Variants in ITSN1 observed in about 807,000 individuals in gnomAD.
ITSN1 encodes the protein intersectin-1.
In ITSN1, 58 loss-of-function variants were observed where a neutral mutation model predicts 239.8. The ratio of observed to expected loss-of-function variants is 0.24; its 90% confidence interval spans 0.20 to 0.30. ITSN1 has a LOEUF of 0.30. Ranked by LOEUF, ITSN1 falls within the 10% of genes least tolerant of loss-of-function variation. The pLI is 1.00. For missense variants in ITSN1, 1,558 were observed against 2,103.3 expected, an observed-to-expected ratio of 0.74 and a Z score of 5.07; for synonymous variants, 780 against 770.8, an observed-to-expected ratio of 1.01 and a Z score of -0.20.
chr21:33,778,884 A>G (rs1020932726), intron 14 of ITSN1, among the ~76,000 whole-genome samples: 3 of 151,978 alleles, frequency 2.0e-5, no homozygotes, highest in African/African-American at 7.2e-5. Context: ...GGCCTATAAT[A>G]TTCTCTTATT....
intron 9 of ITSN1, among the ~76,000 whole-genome samples, chr21:33,764,520 G>T (rs1486014003): frequency 6.6e-6 from 1 of 152,144 alleles, no homozygotes; most frequent in African/African-American, 2.4e-5. Context: ...GCCAGGGGAT[G>T]GGGGCAAAGG....
intron 21 of ITSN1, among the ~76,000 whole-genome samples, chr21:33,813,096 C>G (rs1007007522): frequency 2.0e-5 from 3 of 152,166 alleles, no homozygotes; most frequent in South Asian, 4.1e-4. Context: ...TTCATGTACC[C>G]TCACAACTAA....
At chr21:33,753,734 C>T (rs1036737342) in intron 7 of ITSN1, among the ~76,000 whole-genome samples, 1 of 136,826 alleles carries the variant, frequency 7.3e-6, no homozygotes, top group African/African-American at 2.9e-5. Context: ...TGCATTCCAG[C>T]CTGGGTGACA....
chr21:33,760,713 T>C (rs1257085521), intron 8 of ITSN1, among the ~76,000 whole-genome samples: 1 of 152,192 alleles, frequency 6.6e-6, no homozygotes, highest in Admixed American at 6.5e-5. Flanking sequence ...ACATCCAGTT[T>C]TGTGGTTTTT....
intron 32 of ITSN1, among the ~76,000 whole-genome samples, chr21:33,866,779 G>A (rs370350405): frequency 8.5e-5 from 13 of 152,186 alleles, no homozygotes; most frequent in Non-Finnish European, 1.5e-4. Context: ...CCAGAGGCAC[G>A]TGCAGGCTCC....
intron 31 of ITSN1, among the ~76,000 whole-genome samples, chr21:33,864,310 T>C (rs149509266): frequency 6.6e-6 from 1 of 152,216 alleles, no homozygotes; most frequent in Non-Finnish European, 1.5e-5. Context: ...CATGGCTTCA[T>C]GTTGTGGTCC....
chr21:33,866,580 G>A (rs943423715), intron 32 of ITSN1, among the ~76,000 whole-genome samples: 4 of 152,022 alleles, frequency 2.6e-5, no homozygotes, highest in African/African-American at 4.8e-5. Context: ...GAATGATGGT[G>A]TCCACAGCTG....
At chr21:33,868,678 CG>C (rs1982168352) in intron 33 of ITSN1, among the ~76,000 whole-genome samples, 1 of 152,238 alleles carries the variant, frequency 6.6e-6, no homozygotes, top group African/African-American at 2.4e-5. Context: ...CACGCAGCCC[CG>C]GTTCCTGCTC....
At chr21:33,715,487 A>G (rs1458833399) in intron 1 of ITSN1, among the ~76,000 whole-genome samples, 1 of 152,204 alleles carries the variant, frequency 6.6e-6, no homozygotes, top group Non-Finnish European at 1.5e-5. Flanking sequence ...AAACTCTACA[A>G]AAAGATATAT....
At chr21:33,735,985 G>A (rs2066477037) in intron 5 of ITSN1, among the ~76,000 whole-genome samples, 1 of 152,200 alleles carries the variant, frequency 6.6e-6, no homozygotes, top group African/African-American at 2.4e-5. Flanking sequence ...GACAGAGCAA[G>A]ACTTCGTCTC....
intron 5 of ITSN1, among the ~76,000 whole-genome samples, chr21:33,737,571 A>T (rs1461971213): frequency 6.6e-6 from 1 of 151,882 alleles, no homozygotes; most frequent in African/African-American, 2.4e-5. Flanking sequence ...TCATTGTTTT[A>T]TTTATTTATT....
At chr21:33,738,119 G>C (rs1420890152) in intron 5 of ITSN1, among the ~76,000 whole-genome samples, 1 of 151,892 alleles carries the variant, frequency 6.6e-6, no homozygotes, top group South Asian at 2.1e-4. Context: ...GGAGGTGGAG[G>C]TTGCAGTGAG....
rs372516592 is a variant in ITSN1, at chr21:33,768,861, G to A, written c.1042+1033G>A. ...AAATACTATTGGAAATATTTTACGTGCAAGCCTGCATGTTGAGCAAAGAAT... is the reference window on the plus strand; with the variant it reads ...AAATACTATTGGAAATATTTTACGTACAAGCCTGCATGTTGAGCAAAGAAT... On this transcript the variant is annotated intron_variant, in intron 11 of 39. Coordinates refer to ENST00000381318, the MANE Select transcript of ITSN1 (RefSeq NM_003024.3). 1.6e-4 allele frequency among the ~76,000 whole-genome samples: 24 copies of A among 152,278 alleles called. No individual in the cohort carries two copies. In the South Asian group the frequency reaches 4.6e-3, roughly 29 times the overall value.
chr21:33,842,529 T>TGA (rs1555954398), intron 29 of ITSN1, among the ~76,000 whole-genome samples: 5 of 146,512 alleles, frequency 3.4e-5, no homozygotes, highest in East Asian at 4.2e-4. Context: ...TGTGTGTGTG[T>TGA]GACAGGCAGT....
At chr21:33,856,093 C>G (rs1391091392) in intron 29 of ITSN1, among the ~76,000 whole-genome samples, 1 of 152,166 alleles carries the variant, frequency 6.6e-6, no homozygotes. Flanking sequence ...ACCTCGGTGT[C>G]CTCGTCTGTG....
intron 10 of ITSN1, among the ~76,000 whole-genome samples, chr21:33,767,053 A>G (rs1194540671): frequency 6.6e-6 from 1 of 152,188 alleles, no homozygotes; most frequent in Non-Finnish European, 1.5e-5. Flanking sequence ...CTGTAATCCC[A>G]GCTACTCGGG....
chr21:33,688,077 T>G (rs1401564756), intron 1 of ITSN1, among the ~76,000 whole-genome samples: 1 of 152,130 alleles, frequency 6.6e-6, no homozygotes, highest in East Asian at 1.9e-4. Context: ...CACTGTTTTG[T>G]TTGCCTTTTT....
At chr21:33,808,313 G>C (rs1169228230) in intron 20 of ITSN1, among the ~76,000 whole-genome samples, 1 of 152,178 alleles carries the variant, frequency 6.6e-6, no homozygotes, top group East Asian at 1.9e-4. Context: ...GGCCTGGCAC[G>C]GTGGCTCACG....
intron 1 of ITSN1, among the ~76,000 whole-genome samples, chr21:33,706,897 AT>A (rs2092269358): frequency 6.6e-6 from 1 of 151,866 alleles, no homozygotes; most frequent in African/African-American, 2.4e-5. Flanking sequence ...TAATTTTTGT[AT>A]TTTTAGTAGA....
Sources: allele counts gnomAD v4.1 joint callset (sites outside exome capture counted in the v4.1 genomes callset), GRCh38; gene constraint gnomAD v4.1.1; transcripts MANE v1.5; gene names NCBI Gene and HGNC (gene_info 2026-07-23, HGNC 2026-07-21).